Variants in KIFC3 observed in about 807,000 individuals in gnomAD.
KIFC3 encodes the protein kinesin-like protein KIFC3.
In KIFC3, 60 loss-of-function variants were observed where a neutral mutation model predicts 101.8. That is an observed-to-expected ratio of 0.59 (90% CI 0.48 to 0.73). The LOEUF (loss-of-function observed/expected upper bound fraction) is 0.73, where lower values mean the gene tolerates loss of function less well. Ranked by LOEUF, KIFC3 falls within the 30% of genes least tolerant of loss-of-function variation. The pLI is 0.00. For synonymous variants in KIFC3, 476 were observed against 482.7 expected (o/e 0.99, Z 0.18); for missense variants, 966 against 1,137.1 (o/e 0.85, Z 2.16).
intron 3 of KIFC3, chr16:57,775,057 G>C: frequency 6.6e-7 from 1 of 1,514,844 alleles, no homozygotes; most frequent in Non-Finnish European, 8.8e-7. Flanking sequence ...AGTGTTTGCT[G>C]GGGGTGGGAG....
At chr16:57,798,424 C>G in intron 1 of KIFC3, 142 bp from the exon 2 acceptor site, 3 of 739,682 alleles carry the variant, frequency 4.1e-6, no homozygotes, top group Non-Finnish European at 6.8e-6. Flanking sequence ...CACTGTCCCC[C>G]AAAGACCCTA....
intron 3 of KIFC3, among the ~76,000 whole-genome samples, chr16:57,794,738 C>CCA (rs1555621851): frequency 6.6e-6 from 1 of 152,220 alleles, no homozygotes; most frequent in Non-Finnish European, 1.5e-5. Flanking sequence ...CTGCCCATCT[C>CCA]AGCTAAGGCC....
intron 3 of KIFC3, among the ~76,000 whole-genome samples, chr16:57,778,469 A>G (rs1193085956): frequency 2.0e-5 from 3 of 152,238 alleles, no homozygotes; most frequent in Non-Finnish European, 4.4e-5. Flanking sequence ...AAACTTTTGT[A>G]TAACAAAGGA....
At chr16:57,778,121 G>A (rs541262487) in intron 3 of KIFC3, among the ~76,000 whole-genome samples, 1 of 152,130 alleles carries the variant, frequency 6.6e-6, no homozygotes, top group Admixed American at 6.5e-5. Flanking sequence ...TCTACAACAA[G>A]TAACCAAAAT....
chr16:57,764,221 G>T lies in KIFC3; in HGVS notation c.1539C>A (p.Val513=). The change falls in exon 12 of 20, where the codon GTC becomes GTA. Residue 513 remains valine (V), a synonymous_variant. Coordinates refer to ENST00000445690, the MANE Select transcript of KIFC3 (RefSeq NM_001130100.2). ...QDVFQEVQAL[V]TSCIDGFNVC... ...CATTGAAGCCATCAATGCAAGAGGT[G>T]ACCAGGGCCTGCACCTCCTGGAACA... The T allele has an allele frequency of 7.1e-7, 1 of 1,416,880 alleles. No homozygotes were observed. Among genetic ancestry groups the T allele is most frequent in the South Asian group, 1.1e-5 (1 of 88,554 alleles). 87.8% of individuals were successfully genotyped at this position (1,416,880 alleles called of 1,614,324 possible). A position where few individuals can be genotyped will look rare whatever the true frequency, so the allele number is the denominator to read the frequency against.
At chr16:57,818,513 T>A in intron 1 of KIFC3, among the ~76,000 whole-genome samples, 1 of 152,168 alleles carries the variant, frequency 6.6e-6, no homozygotes, top group Non-Finnish European at 1.5e-5. Flanking sequence ...TATAGGCATG[T>A]GCTACGAAGC....
chr16:57,856,079 T>C (rs766832531), intron 1 of KIFC3, among the ~76,000 whole-genome samples: 45 of 151,950 alleles, frequency 3.0e-4, no homozygotes, highest in Middle Eastern at 3.4e-3. Context: ...ATCCCAGCAC[T>C]TTGGGAAGTG....
intron 1 of KIFC3, among the ~76,000 whole-genome samples, chr16:57,822,938 C>T (rs375749039): frequency 1.6e-5 from 2 of 127,722 alleles, no homozygotes; most frequent in African/African-American, 6.8e-5. Flanking sequence ...GTTATGTAAA[C>T]CAAAAATTAA....
At chr16:57,810,758 C>A in intron 1 of KIFC3, 2 of 851,490 alleles carry the variant, frequency 2.3e-6, no homozygotes, top group Non-Finnish European at 2.8e-6. Flanking sequence ...CCTTTGCTTT[C>A]ATTCAATCCC....
At chr16:57,761,758 G>A (rs1365804204) in intron 13 of KIFC3, among the ~76,000 whole-genome samples, 4 of 152,048 alleles carry the variant, frequency 2.6e-5, no homozygotes, top group Admixed American at 2.0e-4. Context: ...GCCCCTAGCT[G>A]CCCACTCTCA....
At chr16:57,774,500 C>A (rs1422915381) in intron 3 of KIFC3, among the ~76,000 whole-genome samples, 1 of 151,844 alleles carries the variant, frequency 6.6e-6, no homozygotes, top group East Asian at 1.9e-4. Flanking sequence ...TTATAGTTGA[C>A]AAAATCTTTA....
chr16:57,808,553 T>A (rs538149204), intron 1 of KIFC3, among the ~76,000 whole-genome samples: 63 of 147,072 alleles, frequency 4.3e-4, no homozygotes, highest in Admixed American at 6.0e-4. Context: ...GAACTTAAAA[T>A]TTTTTTTTTT....
chr16:57,848,017 C>T (rs769766358), intron 1 of KIFC3, among the ~76,000 whole-genome samples: 3 of 152,182 alleles, frequency 2.0e-5, no homozygotes, highest in Non-Finnish European at 4.4e-5. Flanking sequence ...AAATCCTGAC[C>T]TCAAGTGATC....
At chr16:57,831,704 G>T (rs2055583813) in intron 1 of KIFC3, among the ~76,000 whole-genome samples, 1 of 152,110 alleles carries the variant, frequency 6.6e-6, no homozygotes, top group African/African-American at 2.4e-5. Context: ...AAGAAATACA[G>T]CTTAAGCTTT....
In KIFC3 at chr16:57,764,256, G is replaced by T; in HGVS notation, c.1513-9C>A. ...TGCACCTCCTGGAACACCTGGGAGG[G>T]TGGTGGGAGGGAGGCTGGTGGGGGG... is the stretch of plus-strand genomic sequence containing the variant. On this transcript the variant is annotated splice_polypyrimidine_tract_variant and intron_variant, in intron 11 of 19. Coordinates refer to ENST00000445690, the MANE Select transcript of KIFC3 (RefSeq NM_001130100.2). 6.6e-7 allele frequency: 1 copy of T among 1,522,038 alleles called. No homozygotes were observed. 94.3% of individuals were successfully genotyped at this position (1,522,038 alleles called of 1,614,324 possible). A position where few individuals can be genotyped will look rare whatever the true frequency, so the allele number is the denominator to read the frequency against.
intron 1 of KIFC3, among the ~76,000 whole-genome samples, chr16:57,841,998 A>G (rs753614141): frequency 1.3e-5 from 2 of 149,700 alleles, no homozygotes; most frequent in Non-Finnish European, 3.0e-5. Flanking sequence ...GACCATCCCC[A>G]CCGGCCATCT....
chr16:57,856,619 C>A (rs1232157798), intron 1 of KIFC3, among the ~76,000 whole-genome samples: 1 of 151,960 alleles, frequency 6.6e-6, no homozygotes, highest in Admixed American at 6.6e-5. Context: ...AAAGCTGGTT[C>A]TTTGAAACAA....
intron 1 of KIFC3, among the ~76,000 whole-genome samples, chr16:57,826,678 G>A (rs187484476): frequency 5.9e-5 from 9 of 152,324 alleles, no homozygotes; most frequent in Admixed American, 2.0e-4. Flanking sequence ...GAGAACAGGT[G>A]CAGGAAAATT....
rs190867018 is a variant in KIFC3, at chr16:57,846,080, C to A, written c.108+16649G>T. On this transcript the variant is annotated intron_variant, in intron 1 of 2. Transcript: ENST00000563028. ...AGGGAAGAGTAGACAAGGTGAGGGG[C>A]CTGGAGACCCAACCCTTTCATGCCA... Among the ~76,000 whole-genome samples, 466 of 152,288 alleles carry A rather than the reference C, an allele frequency of 3.1e-3. 2 individuals carry two copies. The highest frequency in any genetic ancestry group is 0.01 in the African/African-American group (423 of 41,570).
Sources: gnomAD v4.1 joint callset for allele counts (sites outside exome capture counted in the v4.1 genomes callset) on GRCh38, gnomAD v4.1.1 for gene constraint, MANE v1.5 for transcripts, NCBI Gene and HGNC (gene_info 2026-07-23, HGNC 2026-07-21) for gene names.